UTS2: variants seen among roughly 807,000 people sequenced by gnomAD.
UTS2 encodes the protein urotensin-2.
Under a neutral mutation model 12.6 loss-of-function variants are expected in UTS2, and 10 were observed. That is an observed-to-expected ratio of 0.80 (90% CI 0.49 to 1.35). The LOEUF is 1.35. Ranked by LOEUF, UTS2 falls within the 40% of genes most tolerant of loss-of-function variation. The pLI is 0.00. For missense variants in UTS2, 142 were observed against 143.2 expected, an observed-to-expected ratio of 0.99 and a Z score of 0.04; for synonymous variants, 52 against 50.0, an observed-to-expected ratio of 1.04 and a Z score of -0.17.
the UTS2 span, among the ~76,000 whole-genome samples, chr1:7,884,919 C>CA: frequency 6.7e-6 from 1 of 149,806 alleles, no homozygotes; most frequent in African/African-American, 2.5e-5. Flanking sequence ...TGCATCCATT[C>CA]ATCCATCCAC....
At chr1:7,871,308 T>C in the UTS2 span, among the ~76,000 whole-genome samples, 2 of 151,598 alleles carry the variant, frequency 1.3e-5, no homozygotes, top group Non-Finnish European at 1.5e-5. Context: ...TTCCCACTCC[T>C]CTATGTACTT....
the UTS2 span, among the ~76,000 whole-genome samples, chr1:7,890,270 C>T: frequency 6.6e-6 from 1 of 152,132 alleles, no homozygotes; most frequent in Non-Finnish European, 1.5e-5. Flanking sequence ...TCCTCAGCTT[C>T]TTCACATTCT....
the UTS2 span, among the ~76,000 whole-genome samples, chr1:7,874,047 A>C: frequency 6.6e-6 from 1 of 152,178 alleles, no homozygotes; most frequent in Non-Finnish European, 1.5e-5. Flanking sequence ...CAAGTAGAGC[A>C]GCTTAGAAAG....
the UTS2 span, among the ~76,000 whole-genome samples, chr1:7,875,495 T>C: frequency 6.6e-6 from 1 of 152,062 alleles, no homozygotes; most frequent in Non-Finnish European, 1.5e-5. Context: ...AAGACCACTC[T>C]ACCCACCACT....
At chr1:7,877,150 A>AG in the UTS2 span, among the ~76,000 whole-genome samples, 2 of 146,420 alleles carry the variant, frequency 1.4e-5, no homozygotes, top group South Asian at 4.3e-4. Context: ...AAAGAAAAAA[A>AG]AAAGAAACAT....
At chr1:7,910,579 G>C in the UTS2 span, among the ~76,000 whole-genome samples, 1 of 152,140 alleles carries the variant, frequency 6.6e-6, no homozygotes, top group East Asian at 1.9e-4. Context: ...CATTCTGAAG[G>C]CTCCCATGTA....
At chr1:7,883,689 T>C in the UTS2 span, among the ~76,000 whole-genome samples, 1 of 152,148 alleles carries the variant, frequency 6.6e-6, no homozygotes, top group Non-Finnish European at 1.5e-5. Context: ...TTTTTAAAAA[T>C]TTTTTAAGGA....
chr1:7,855,213 TAATC>T (rs148338030), upstream of UTS2, among the ~76,000 whole-genome samples: 21,242 of 152,108 alleles, frequency 0.14, 1,801 homozygotes, highest in Non-Finnish European at 0.18. Context: ...TTTTGTAAAT[TAATC>T]AATAGATGAA....
At chr1:7,904,509 G>A in the UTS2 span, among the ~76,000 whole-genome samples, 2 of 151,676 alleles carry the variant, frequency 1.3e-5, no homozygotes, top group Admixed American at 6.6e-5. Flanking sequence ...AAGTAAAGAC[G>A]TGTAGTCAAT....
At chr1:7,870,504 T>C in the UTS2 span, among the ~76,000 whole-genome samples, 2 of 152,228 alleles carry the variant, frequency 1.3e-5, no homozygotes, top group South Asian at 4.1e-4. Flanking sequence ...CACACTTCTA[T>C]TCCACTTCCA....
At chr1:7,882,189 G>C in the UTS2 span, among the ~76,000 whole-genome samples, 1 of 152,168 alleles carries the variant, frequency 6.6e-6, no homozygotes, top group East Asian at 1.9e-4. Context: ...TTAAAAATTA[G>C]CTGAGTGTGG....
At chr1:7,859,533 G>A in the UTS2 span, among the ~76,000 whole-genome samples, 12 of 152,312 alleles carry the variant, frequency 7.9e-5, no homozygotes, top group Admixed American at 5.2e-4. Context: ...CTGAGAGGAA[G>A]AGCCTCCAGG....
chr1:7,900,524 C>T, the UTS2 span, among the ~76,000 whole-genome samples: 1 of 152,116 alleles, frequency 6.6e-6, no homozygotes, highest in Non-Finnish European at 1.5e-5. Context: ...CGCCTGTAAT[C>T]TCAATACTTT....
At chr1:7,866,365 A>G in the UTS2 span, among the ~76,000 whole-genome samples, 4 of 152,218 alleles carry the variant, frequency 2.6e-5, no homozygotes, top group South Asian at 8.3e-4. This position sits in a 1 kb window ranked among gnomAD's most constrained non-coding sequence, Gnocchi z 4.5. Flanking sequence ...GTGTCAAGTG[A>G]GCGTGAGCGT....
the UTS2 span, among the ~76,000 whole-genome samples, chr1:7,889,904 A>G: frequency 2.0e-5 from 3 of 152,018 alleles, no homozygotes; most frequent in African/African-American, 7.3e-5. Flanking sequence ...GTCTCTATTA[A>G]AAAATACAAA....
the UTS2 span, among the ~76,000 whole-genome samples, chr1:7,892,981 T>C: frequency 2.0e-5 from 3 of 152,184 alleles, no homozygotes; most frequent in Admixed American, 2.0e-4. Flanking sequence ...CTGCCTGCGT[T>C]GTTTGGTTTA....
At chr1:7,886,050 A>G in the UTS2 span, among the ~76,000 whole-genome samples, 2 of 152,192 alleles carry the variant, frequency 1.3e-5, no homozygotes, top group Admixed American at 1.3e-4. Flanking sequence ...ACCTGTTCCC[A>G]GGTGTAAGGT....
the UTS2 span, among the ~76,000 whole-genome samples, chr1:7,906,096 T>C: frequency 6.6e-6 from 1 of 152,172 alleles, no homozygotes; most frequent in African/African-American, 2.4e-5. Flanking sequence ...AGGCTTTCAC[T>C]TGGCCAGCAA....
At chr1:7,882,070 T>C in the UTS2 span, among the ~76,000 whole-genome samples, 2 of 152,102 alleles carry the variant, frequency 1.3e-5, no homozygotes, top group Non-Finnish European at 2.9e-5. Context: ...CGTGGTGGCA[T>C]ATGTGTGTAA....
Sources: gnomAD v4.1 joint callset for allele counts (sites outside exome capture counted in the v4.1 genomes callset) on GRCh38, gnomAD v4.1.1 for gene constraint, Gnocchi (gnomAD v3.1) non-coding constraint, MANE v1.5 for transcripts, NCBI Gene and HGNC (gene_info 2026-07-23, HGNC 2026-07-21) for gene names.